The following CLVS1 variants were observed in gnomAD, a reference collection of about 807,000 sequenced individuals.
CLVS1 encodes clavesin-1.
A neutral mutation model predicts 33.1 loss-of-function variants in CLVS1; 10 were observed. The observed-to-expected ratio is 0.30, with a 90% confidence interval of 0.19 to 0.51. CLVS1 has a LOEUF of 0.51. Ranked by LOEUF, CLVS1 falls within the 20% of genes least tolerant of loss-of-function variation. The pLI is 0.97. For synonymous variants in CLVS1, 163 were observed against 166.1 expected (o/e 0.98, Z 0.14); for missense variants, 343 against 433.4 (o/e 0.79, Z 1.85).
chr8:61,374,010 G>A (rs779075106), intron 2 of CLVS1, among the ~76,000 whole-genome samples: 4 of 152,194 alleles, frequency 2.6e-5, no homozygotes, highest in Non-Finnish European at 5.9e-5. Context: ...GAGAACAGTG[G>A]TAACATCTGA....
intron 5 of CLVS1, among the ~76,000 whole-genome samples, chr8:61,466,710 C>T (rs979196927): frequency 3.3e-5 from 5 of 152,132 alleles, no homozygotes; most frequent in African/African-American, 1.2e-4. Context: ...TGCAGTGGCA[C>T]GATCTCAGCT....
intron 1 of CLVS1, among the ~76,000 whole-genome samples, chr8:61,120,426 T>TC (rs1805832502): frequency 7.6e-6 from 1 of 131,634 alleles, no homozygotes; most frequent in African/African-American, 3.1e-5. Flanking sequence ...GGAACTGCGT[T>TC]CCTTTGGAGG....
intron 1 of CLVS1, among the ~76,000 whole-genome samples, chr8:61,099,283 G>A (rs1017340333): frequency 9.9e-5 from 15 of 152,102 alleles, no homozygotes; most frequent in African/African-American, 2.2e-4. Flanking sequence ...TAATGTTTGC[G>A]GAGCCACTGA....
chr8:61,426,004 A>T lies in CLVS1; in HGVS notation c.631-28137A>T, dbSNP rs149316974. Among the ~76,000 whole-genome samples, 461 of 152,322 alleles carry T rather than the reference A, an allele frequency of 3.0e-3. 1 individual carries two copies. Among genetic ancestry groups the T allele is most frequent in the African/African-American group, 9.4e-3 (392 of 41,572 alleles). On this transcript the variant is annotated intron_variant, in intron 3 of 5. Coordinates refer to ENST00000325897, the MANE Select transcript of CLVS1 (RefSeq NM_173519.3). ...GAGCTGTAATTACACTCTTATAGGG[A>T]TGCAGATTATGCCTGTGGCCTACAA...
At position 61,402,920 on chromosome 8, in the gene CLVS1, A is replaced by G. The variant is rs572647549; in HGVS notation, c.630+26141A>G. Among the ~76,000 whole-genome samples the G allele has an allele frequency of 3.3e-4, 50 of 152,248 alleles. No homozygotes were observed. In the South Asian group the frequency reaches 0.01, roughly 31 times the overall value. On this transcript the variant is annotated intron_variant, in intron 3 of 5. Coordinates refer to ENST00000325897, the MANE Select transcript of CLVS1 (RefSeq NM_173519.3). The stretch of plus-strand genomic sequence containing the variant: ...CTGGGGAGAGGCAGACAAAAAAACA[A>G]TGTAGTTTGAGTGTGTGTGCGTGCT...
intron 2 of CLVS1, among the ~76,000 whole-genome samples, chr8:61,255,978 T>C (rs1438854208): frequency 6.6e-6 from 1 of 152,178 alleles, no homozygotes; most frequent in African/African-American, 2.4e-5. Context: ...ACATAAGATT[T>C]ACCATTGTAA....
chr8:61,202,008 T>C (rs1388223717), intron 2 of CLVS1, among the ~76,000 whole-genome samples: 1 of 152,184 alleles, frequency 6.6e-6, no homozygotes, highest in African/African-American at 2.4e-5. Context: ...TTGACCCGAT[T>C]GGCTAGCAAC....
chr8:61,413,028 G>A (rs1815293824), intron 3 of CLVS1, among the ~76,000 whole-genome samples: 2 of 152,022 alleles, frequency 1.3e-5, no homozygotes, highest in Admixed American at 1.3e-4. Context: ...TGCATTTTTG[G>A]ATTTAATATT....
chr8:61,261,627 G>C (rs1483614523), intron 2 of CLVS1, among the ~76,000 whole-genome samples: 2 of 152,152 alleles, frequency 1.3e-5, no homozygotes, highest in Non-Finnish European at 2.9e-5. Flanking sequence ...AGAGCCCTCA[G>C]GAATGTGATT....
upstream of CLVS1, among the ~76,000 whole-genome samples, chr8:61,054,542 C>T (rs1429767624): frequency 2.0e-5 from 3 of 152,138 alleles, no homozygotes; most frequent in Non-Finnish European, 4.4e-5. Flanking sequence ...GTTTCTCTGG[C>T]CTGGAGCTGT....
chr8:61,162,431 T>C (rs1806771541), intron 2 of CLVS1, among the ~76,000 whole-genome samples: 1 of 152,206 alleles, frequency 6.6e-6, no homozygotes, highest in Non-Finnish European at 1.5e-5. Flanking sequence ...AAACCACTCT[T>C]GCTCCTTTGG....
At chr8:61,203,261 C>T (rs554060604) in intron 2 of CLVS1, 68 of 928,474 alleles carry the variant, frequency 7.3e-5, no homozygotes, top group Admixed American at 3.8e-4. Context: ...AAAAATTTTC[C>T]GTCTTATTTC....
chr8:61,246,506 A>C (rs1440833439), intron 2 of CLVS1, among the ~76,000 whole-genome samples: 2 of 152,046 alleles, frequency 1.3e-5, no homozygotes, highest in African/African-American at 4.8e-5. Context: ...TATATATTTT[A>C]GTTCTACGTG....
chr8:61,056,536 C>T (rs972665071), upstream of CLVS1, among the ~76,000 whole-genome samples: 19 of 152,158 alleles, frequency 1.2e-4, no homozygotes, highest in Non-Finnish European at 2.5e-4. Context: ...CTCTCTCTTT[C>T]TTTCTCCCTC....
chr8:61,133,526 C>A (rs2129291600), intron 2 of CLVS1, among the ~76,000 whole-genome samples: 1 of 152,228 alleles, frequency 6.6e-6, no homozygotes, highest in South Asian at 2.1e-4. Flanking sequence ...AGGTAGGGGC[C>A]AGATCAAAGG....
At chr8:61,005,280 G>A in the CLVS1 span, among the ~76,000 whole-genome samples, 6 of 152,106 alleles carry the variant, frequency 3.9e-5, no homozygotes, top group African/African-American at 1.4e-4. Flanking sequence ...ACAGCCTGAA[G>A]CCATTAAACA....
chr8:61,426,335 ACG>A (rs751126425), intron 3 of CLVS1, among the ~76,000 whole-genome samples: 88 of 152,218 alleles, frequency 5.8e-4, no homozygotes, highest in Non-Finnish European at 1.1e-3. Flanking sequence ...CTTCTAGCTC[ACG>A]ATTGTGTGCA....
intron 5 of CLVS1, among the ~76,000 whole-genome samples, chr8:61,498,116 C>T (rs1325870025): frequency 6.6e-6 from 1 of 152,152 alleles, no homozygotes; most frequent in Non-Finnish European, 1.5e-5. Context: ...AGGCTTTAGC[C>T]TTATTTTACC....
intron 2 of CLVS1, among the ~76,000 whole-genome samples, chr8:61,351,560 T>TA (rs35751660): frequency 1.9e-4 from 28 of 151,062 alleles, no homozygotes; most frequent in Non-Finnish European, 2.8e-4. Context: ...CAAATTTGGT[T>TA]AAAAAAAAAT....
Sources: gnomAD v4.1 joint callset for allele counts (sites outside exome capture counted in the v4.1 genomes callset) on GRCh38, gnomAD v4.1.1 for gene constraint, MANE v1.5 for transcripts, NCBI Gene and HGNC (gene_info 2026-07-23, HGNC 2026-07-21) for gene names.